PLCD3: variants seen among roughly 807,000 people sequenced by gnomAD.
PLCD3 encodes 1-phosphatidylinositol 4,5-bisphosphate phosphodiesterase delta-3.
A neutral mutation model predicts 82.8 loss-of-function variants in PLCD3; 62 were observed. The observed-to-expected ratio is 0.75, with a 90% confidence interval of 0.61 to 0.93. The LOEUF is 0.93. PLCD3 is among the 40% of genes least tolerant of loss of function. The probability of loss-of-function intolerance (pLI) is 0.00; values close to 1 mark genes in which losing one functional copy is unlikely to be tolerated. For missense variants in PLCD3, 1,023 were observed against 1,103.4 expected (o/e 0.93, Z 1.03); for synonymous variants, 478 against 471.8 (o/e 1.01, Z -0.17).
Position 45,132,272 on chromosome 17 carries a change from C to T in PLCD3, c.139G>A (p.Gly47Arg). ...CCCATCTTCTTCAGCGCCCGCAGCC[C>T]GGGCCTCTTGGTGCCGCCATCGGAG... ...TPSDGGTKRPGLRALKKMGLT... is the reference protein window; with the variant it reads ...TPSDGGTKRPRLRALKKMGLT... The change falls in exon 1 of 15, where the codon GGG (glycine) becomes AGG (arginine). Residue 47 changes from glycine (G) to arginine (R), a missense_variant. Coordinates refer to ENST00000619929, the MANE Select transcript of PLCD3 (RefSeq NM_133373.5). This position sits in a 1 kb window ranked among gnomAD's most constrained non-coding sequence, Gnocchi z 4.6. The T allele has an allele frequency of 7.8e-7, 1 of 1,274,984 alleles. No individual in the cohort carries two copies. Among genetic ancestry groups the T allele is most frequent in the Non-Finnish European group, 9.9e-7 (1 of 1,009,916 alleles). The allele number at this position is 1,274,984 out of a possible 1,614,324, so 79.0% of individuals were successfully genotyped here. A position where few individuals can be genotyped will look rare whatever the true frequency, so the allele number is the denominator to read the frequency against.
chr17:45,132,257 T>C lies in PLCD3; in HGVS notation c.154A>G (p.Lys52Glu). ...CTTGCCCGTCACTGACCCATCTTCT[T>C]CAGCGCCCGCAGCCCGGGCCTCTTG... Reference protein sequence around the residue: ...GTKRPGLRALKKMGLTEDEDV... With the variant: ...GTKRPGLRALEKMGLTEDEDV... The change falls in exon 1 of 15, where the codon AAG becomes GAG. Residue 52 changes from lysine to glutamate, a missense_variant. By Grantham distance (56) the Lys-to-Glu change is moderately conservative (BLOSUM62 1). This residue lies in a region of PLCD3 where 448 missense variants were observed against 406.3 expected (regional missense o/e 1.10). Coordinates refer to ENST00000619929, the MANE Select transcript of PLCD3 (RefSeq NM_133373.5). This position sits in a 1 kb window ranked among gnomAD's most constrained non-coding sequence, Gnocchi z 4.6. 7.8e-7 allele frequency: 1 copy of C among 1,275,056 alleles called. No homozygotes were observed. Among genetic ancestry groups the C allele is most frequent in the East Asian group, 2.9e-5 (1 of 34,376 alleles). 79.0% of individuals were successfully genotyped at this position (1,275,056 alleles called of 1,614,324 possible).
At chr17:45,131,459 C>A (rs2054444589) in intron 1 of PLCD3, among the ~76,000 whole-genome samples, 4 of 152,234 alleles carry the variant, frequency 2.6e-5, no homozygotes. Context: ...TGAGAGGGTA[C>A]CAGGGCCCAT....
In PLCD3 at chr17:45,118,027, G is replaced by A. The variant is rs1222747765; in HGVS notation, c.1227C>T (p.Asp409=). The A allele has an allele frequency of 2.1e-5, 34 of 1,613,552 alleles. No homozygotes were observed. In the East Asian group the frequency reaches 3.8e-4, roughly 18 times the overall value. Residue 409 remains aspartate, a synonymous_variant, in exon 7 of 15, where the codon GAC becomes GAT. Transcript: ENST00000619929. This position sits in a 1 kb window ranked among gnomAD's most constrained non-coding sequence, Gnocchi z 4.1. ...CATGGTCGCGCACGGCTTGGACCAC[G>A]TCCCGGAAGAGAATCTTGGAGGTGA... ...HTLTSKILFR[D]VVQAVRDHAF... is the part of the protein sequence containing the mutation.
Position 45,115,432 on chromosome 17 carries a change from T to G in PLCD3, c.1472A>C (p.Asp491Ala). The G allele has an allele frequency of 6.2e-7, 1 of 1,611,844 alleles. No individual in the cohort carries two copies. Among genetic ancestry groups the G allele is most frequent in the Non-Finnish European group, 8.5e-7 (1 of 1,179,358 alleles). The change falls in exon 9 of 15, where the codon GAT (aspartate) becomes GCT (alanine). Residue 491 changes from aspartate to alanine, a missense_variant. This residue lies in a region of PLCD3 where 553 missense variants were observed against 655.7 expected (regional missense o/e 0.84). Coordinates refer to ENST00000619929, the MANE Select transcript of PLCD3 (RefSeq NM_133373.5). ...CTCCCGATCCGACAGAGCCCGGCCATCCTCGCTCCGAGCAGCGGGCAACTT... is the reference window on the plus strand; with the variant it reads ...CTCCCGATCCGACAGAGCCCGGCCAGCCTCGCTCCGAGCAGCGGGCAACTT... ...GKKLPAARSE[D>A]GRALSDREEE... is the part of the protein sequence containing the mutation.
At chr17:45,128,643 TGGGGAGGATGA>T (rs1442329245) in intron 1 of PLCD3, among the ~76,000 whole-genome samples, 1 of 152,016 alleles carries the variant, frequency 6.6e-6, no homozygotes, top group African/African-American at 2.4e-5. Context: ...CCTCTGCCCA[TGGGGAGGATGA>T]GGGGCAGGGG....
intron 1 of PLCD3, among the ~76,000 whole-genome samples, chr17:45,124,543 A>G (rs1380777770): frequency 6.6e-6 from 1 of 152,218 alleles, no homozygotes; most frequent in African/African-American, 2.4e-5. Flanking sequence ...TGGGGCAGTG[A>G]GAGGACTGGG....
intron 3 of PLCD3, 77 bp downstream of exon 3, chr17:45,120,825 G>A: frequency 7.3e-7 from 1 of 1,371,770 alleles, no homozygotes; most frequent in Non-Finnish European, 9.5e-7. Flanking sequence ...TGGGCGTGGG[G>A]GCTCTCCAAG....
intron 1 of PLCD3, among the ~76,000 whole-genome samples, chr17:45,129,939 T>G (rs1335253148): frequency 1.3e-5 from 2 of 152,212 alleles, no homozygotes; most frequent in Non-Finnish European, 2.9e-5. Flanking sequence ...ATAAAATCTA[T>G]TCTCTGTTAG....
At chr17:45,125,902 G>A (rs955160300) in intron 1 of PLCD3, among the ~76,000 whole-genome samples, 1 of 152,194 alleles carries the variant, frequency 6.6e-6, no homozygotes, top group Admixed American at 6.5e-5. Context: ...TTGCTTGATG[G>A]TTAGTTTCTG....
Position 45,118,448 on chromosome 17 carries a change from G to T in PLCD3, c.958C>A (p.Leu320Met), listed in dbSNP as rs1249224469. The stretch of plus-strand genomic sequence containing the variant: ...AAGGCAGCCCCCTCCGGCGACAACA[G>T]GTACATCATGAAGCCATCCAGTGTC... Reference protein sequence around the residue: ...LMTLDGFMMYLLSPEGAALDN... With the variant: ...LMTLDGFMMYMLSPEGAALDN... The change falls in exon 6 of 15, where the codon CTG (leucine) becomes ATG (methionine). Residue 320 changes from leucine (L) to methionine (M), a missense_variant. By Grantham distance (15) the Leu-to-Met change is conservative. Around this residue, in one of 3 missense-constraint regions of PLCD3, gnomAD observed 553 missense variants for 655.7 expected, o/e 0.84. Transcript: ENST00000619929. The surrounding 1 kb of genome is among the most constrained non-coding windows in gnomAD (Gnocchi z 4.1). 2.5e-6 allele frequency: 4 copies of T among 1,613,922 alleles called. No individual in the cohort carries two copies. Among genetic ancestry groups the T allele is most frequent in the Non-Finnish European group, 3.4e-6 (4 of 1,179,898 alleles).
chr17:45,109,142 T>C lies in PLCD3; in HGVS notation c.*3474A>G, dbSNP rs2054223641. On this transcript the variant is annotated 3_prime_UTR_variant, in exon 15 of 15. Coordinates refer to ENST00000619929, the MANE Select transcript of PLCD3 (RefSeq NM_133373.5). ...CTCAAGCCCACAGCACCAGGCCAGC[T>C]TCCAAAGGCCTTCCTTTAAGGCTGC... 6.6e-6 allele frequency: 1 copy of C among 152,454 alleles called. No homozygotes were observed. Among genetic ancestry groups the C allele is most frequent in the East Asian group, 1.9e-4 (1 of 5,198 alleles). 9.4% of individuals were successfully genotyped at this position (152,454 alleles called of 1,614,324 possible).
Position 45,121,202 on chromosome 17 carries a change from G to C in PLCD3, c.325+9C>G. The C allele has an allele frequency of 6.4e-7, 1 of 1,569,896 alleles. No individual in the cohort carries two copies. Among genetic ancestry groups the C allele is most frequent in the Non-Finnish European group, 8.6e-7 (1 of 1,167,070 alleles). On this transcript the variant is annotated intron_variant, in intron 2 of 14. Coordinates refer to ENST00000619929, the MANE Select transcript of PLCD3 (RefSeq NM_133373.5). ...CTCCCTGTCCGCCCGGCGCTCCCCG[G>C]CCTCTCACAGATGTGCTGCGATGGC...
intron 12 of PLCD3, 75 bp downstream of exon 12, chr17:45,113,364 G>A (rs770360269): frequency 1.7e-4 from 265 of 1,553,196 alleles, no homozygotes; most frequent in Non-Finnish European, 2.1e-4. Flanking sequence ...AGCCTCCCTT[G>A]CCTTCCTCCA....
At chr17:45,131,602 C>T (rs901330142) in intron 1 of PLCD3, among the ~76,000 whole-genome samples, 2 of 152,238 alleles carry the variant, frequency 1.3e-5, no homozygotes, top group African/African-American at 4.8e-5. Flanking sequence ...CCTAGGAAGT[C>T]GAGGAAGATT....
At chr17:45,130,513 C>T (rs1414924068) in intron 1 of PLCD3, among the ~76,000 whole-genome samples, 1 of 152,136 alleles carries the variant, frequency 6.6e-6, no homozygotes, top group Non-Finnish European at 1.5e-5. Context: ...GGGCTGACTC[C>T]CAGGGCTGCC....
At position 45,113,004 on chromosome 17, in the gene PLCD3, G is replaced by A. The variant is rs1456005244; in HGVS notation, c.2140C>T (p.Pro714Ser). 3.1e-6 allele frequency: 5 copies of A among 1,605,708 alleles called. No homozygotes were observed. The highest frequency in any genetic ancestry group is 4.3e-6 in the Non-Finnish European group (5 of 1,175,032). Residue 714 changes from proline (P) to serine (S), a missense_variant, in exon 14 of 15, where the codon CCC becomes TCC. Physicochemically the swap from Pro to Ser is moderately conservative, Grantham distance 74 (BLOSUM62 -1). Transcript: ENST00000619929. Reference protein sequence around the residue: ...TDYVLNNGFNPRWGQTLQFQL... With the variant: ...TDYVLNNGFNSRWGQTLQFQL... ...AACTGCAGGGTCTGCCCCCAGCGGG[G>A]GTTGAAGCCTAGGGCACAGGGATGG...
chr17:45,126,550 G>C (rs544530188), intron 1 of PLCD3, among the ~76,000 whole-genome samples: 1 of 150,186 alleles, frequency 6.7e-6, no homozygotes, highest in Admixed American at 6.6e-5. Flanking sequence ...TGATCCACTC[G>C]CCTCGGCCTC....
chr17:45,115,419 C>A lies in PLCD3; in HGVS notation c.1485G>T (p.Leu495=). Residue 495 remains leucine, a synonymous_variant, in exon 9 of 15, where the codon CTG becomes CTT. Transcript: ENST00000619929. ...CCTCCTCCTCCTCCTCCCGATCCGA[C>A]AGAGCCCGGCCATCCTCGCTCCGAG... ...PAARSEDGRA[L]SDREEEEEDD... is the part of the protein sequence containing the mutation. The A allele has an allele frequency of 6.2e-7, 1 of 1,612,026 alleles. No individual in the cohort carries two copies. Among genetic ancestry groups the A allele is most frequent in the Non-Finnish European group, 8.5e-7 (1 of 1,179,450 alleles).
At chr17:45,114,844 C>T in intron 10 of PLCD3, among the ~76,000 whole-genome samples, 1 of 152,162 alleles carries the variant, frequency 6.6e-6, no homozygotes, top group East Asian at 1.9e-4. Context: ...CCCAGCCCAG[C>T]CTGACCCATC....
Sources: gnomAD v4.1 joint callset for allele counts (sites outside exome capture counted in the v4.1 genomes callset) on GRCh38, gnomAD v4.1.1 for gene constraint, gnomAD v4.1.1 regional missense constraint, Gnocchi (gnomAD v3.1) non-coding constraint, MANE v1.5 for transcripts, NCBI Gene and HGNC (gene_info 2026-07-23, HGNC 2026-07-21) for gene names.